The following NLGN1 variants were observed in gnomAD, a reference collection of about 807,000 sequenced individuals.
NLGN1 encodes the protein neuroligin 1.
Under a neutral mutation model 65.5 loss-of-function variants are expected in NLGN1, and 12 were observed. The observed-to-expected ratio is 0.18, with a 90% CI of 0.12 to 0.30. The LOEUF (loss-of-function observed/expected upper bound fraction) is 0.30, where lower values mean the gene tolerates loss of function less well. NLGN1 is among the 10% of genes least tolerant of loss of function. The pLI is 1.00. For synonymous variants in NLGN1, 350 were observed against 359.5 expected, an observed-to-expected ratio of 0.97 and a Z score of 0.30; for missense variants, 750 against 1,007.1, an observed-to-expected ratio of 0.74 and a Z score of 3.46.
At chr3:173,534,686 A>G (rs1176121118) in intron 2 of NLGN1, among the ~76,000 whole-genome samples, 2 of 152,238 alleles carry the variant, frequency 1.3e-5, no homozygotes, top group Non-Finnish European at 1.5e-5. Flanking sequence ...TCTAAAGGAC[A>G]TAAAGAAGTG....
chr3:174,201,062 C>A (rs1251632915), intron 4 of NLGN1, among the ~76,000 whole-genome samples: 1 of 151,892 alleles, frequency 6.6e-6, no homozygotes, highest in East Asian at 1.9e-4. Context: ...CATAATGAAA[C>A]CTCCTTTCTA....
intron 1 of NLGN1, among the ~76,000 whole-genome samples, chr3:173,412,523 G>A (rs1399581682): frequency 6.7e-6 from 1 of 150,142 alleles, no homozygotes; most frequent in East Asian, 2.0e-4. Context: ...TTTTAATGAG[G>A]AAATAGTCAA....
At chr3:174,037,473 A>C (rs902673727) in intron 4 of NLGN1, among the ~76,000 whole-genome samples, 2 of 152,332 alleles carry the variant, frequency 1.3e-5, no homozygotes, top group Middle Eastern at 3.4e-3. Flanking sequence ...TTTTGATGTT[A>C]GAGAACACGA....
Position 173,897,267 on chromosome 3 carries a change from AC to A in NLGN1, c.646+89436del, listed in dbSNP as rs1424836081. On this transcript the variant is annotated intron_variant, in intron 4 of 6. Transcript: ENST00000457714. ...CAATCCCGCTAGAGATCATCACCTGACTAGCATCTTGATGCCTCTGCAATAA... is the reference window on the plus strand; with the variant it reads ...CAATCCCGCTAGAGATCATCACCTGATAGCATCTTGATGCCTCTGCAATAA... Among the ~76,000 whole-genome samples, 6 of 152,342 alleles carry A rather than the reference AC, an allele frequency of 3.9e-5. No homozygotes were observed. In the East Asian group the frequency reaches 1.2e-3, roughly 29 times the overall value.
At chr3:174,242,935 A>G (rs935834275) in intron 4 of NLGN1, among the ~76,000 whole-genome samples, 1 of 152,184 alleles carries the variant, frequency 6.6e-6, no homozygotes, top group Admixed American at 6.5e-5. Context: ...ATCCAGCATG[A>G]TAAACTTTAT....
At chr3:174,133,749 C>T (rs911003434) in intron 4 of NLGN1, among the ~76,000 whole-genome samples, 3 of 152,072 alleles carry the variant, frequency 2.0e-5, no homozygotes, top group African/African-American at 7.2e-5. Flanking sequence ...TTTTTGGAGG[C>T]AGATTGTCGG....
chr3:173,890,704 AC>A (rs1470901262), intron 4 of NLGN1, among the ~76,000 whole-genome samples: 1 of 152,278 alleles, frequency 6.6e-6, no homozygotes, highest in Admixed American at 6.5e-5. Context: ...CTTCAACCTG[AC>A]GAAAAGGTTT....
At chr3:173,526,472 G>C (rs1347588674) in intron 2 of NLGN1, among the ~76,000 whole-genome samples, 1 of 151,544 alleles carries the variant, frequency 6.6e-6, no homozygotes, top group Non-Finnish European at 1.5e-5. Context: ...TTAAATTGTT[G>C]TGGGTACATA....
At chr3:173,709,291 A>T (rs59812020) in intron 3 of NLGN1, among the ~76,000 whole-genome samples, 3,722 of 152,258 alleles carry the variant, frequency 0.024, 152 homozygotes, top group African/African-American at 0.083. Context: ...TAGAAGTTGT[A>T]GTAAAGAGGG....
chr3:174,184,159 G>A (rs1730976716), intron 4 of NLGN1, among the ~76,000 whole-genome samples: 1 of 151,886 alleles, frequency 6.6e-6, no homozygotes, highest in African/African-American at 2.4e-5. Flanking sequence ...CAAAAAATAT[G>A]CAGTAAAACC....
chr3:174,293,090 A>T, the NLGN1 span, among the ~76,000 whole-genome samples: 383 of 151,702 alleles, frequency 2.5e-3, no homozygotes, highest in South Asian at 0.016. Context: ...AATACTTTTT[A>T]AAAAAGTTCT....
At chr3:174,104,654 G>T (rs1038384341) in intron 4 of NLGN1, among the ~76,000 whole-genome samples, 1 of 152,120 alleles carries the variant, frequency 6.6e-6, no homozygotes, top group Non-Finnish European at 1.5e-5. Flanking sequence ...GAATTTTGTT[G>T]TATTGTTCTA....
rs558489953 is a variant in NLGN1 at position 173,583,331 on chromosome 3, C to T, written c.-320-20948C>T. On this transcript the variant is annotated intron_variant, in intron 2 of 6. Coordinates refer to ENST00000457714, the Ensembl canonical transcript of NLGN1. The stretch of plus-strand genomic sequence containing the variant: ...TAGATTAATTTACCATATTGATTCT[C>T]CCATCCAGGAACATGTATATTTATT... Among the ~76,000 whole-genome samples, 51 of 152,308 alleles carry T rather than the reference C, an allele frequency of 3.3e-4. No homozygotes were observed. The South Asian group carries it at 0.01, about 31-fold the overall frequency.
In NLGN1 at chr3:173,712,679, C is replaced by G. The variant is rs562758166; in HGVS notation, c.494-95001C>G. On this transcript the variant is annotated intron_variant, in intron 3 of 6. Coordinates refer to ENST00000457714, the Ensembl canonical transcript of NLGN1. ...AGTGCCTAGGAGACATTATTCCTGT[C>G]ATTATCATTTCTATTATTAGTTATT... Among the ~76,000 whole-genome samples, 3 of 152,224 alleles carry G rather than the reference C, an allele frequency of 2.0e-5. No homozygotes were observed. In the East Asian group the frequency reaches 5.8e-4, roughly 29 times the overall value.
intron 4 of NLGN1, among the ~76,000 whole-genome samples, chr3:174,198,337 T>A (rs1015301380): frequency 6.6e-6 from 1 of 152,206 alleles, no homozygotes; most frequent in African/African-American, 2.4e-5. Flanking sequence ...GAGTTTGGAT[T>A]TGAGCCCAGA....
chr3:173,598,813 A>C (rs549214458), intron 2 of NLGN1, among the ~76,000 whole-genome samples: 1 of 152,280 alleles, frequency 6.6e-6, no homozygotes, highest in East Asian at 1.9e-4. Context: ...CATTGGAAAC[A>C]ATTCCTGTAA....
chr3:173,893,852 G>A (rs1321111688), intron 4 of NLGN1, among the ~76,000 whole-genome samples: 1 of 152,030 alleles, frequency 6.6e-6, no homozygotes, highest in Non-Finnish European at 1.5e-5. Flanking sequence ...TCCTTTTTAT[G>A]TCATCGCAAG....
intron 3 of NLGN1, among the ~76,000 whole-genome samples, chr3:173,662,756 T>C (rs1761110657): frequency 6.6e-6 from 1 of 151,982 alleles, no homozygotes; most frequent in Non-Finnish European, 1.5e-5. Flanking sequence ...TTGTCACAAA[T>C]TGGGAGATGC....
chr3:173,831,605 T>G (rs929633510), intron 4 of NLGN1, among the ~76,000 whole-genome samples: 3 of 152,200 alleles, frequency 2.0e-5, no homozygotes, highest in African/African-American at 7.2e-5. Flanking sequence ...AGTACAATGT[T>G]TGTACTTTCT....
Sources: allele counts gnomAD v4.1 joint callset (sites outside exome capture counted in the v4.1 genomes callset), GRCh38; gene constraint gnomAD v4.1.1; transcripts MANE v1.5; gene names NCBI Gene and HGNC (gene_info 2026-07-23, HGNC 2026-07-21).